DOCK1: variants seen among roughly 807,000 people sequenced by gnomAD.
DOCK1 encodes the protein dedicator of cytokinesis 1.
In DOCK1, 138 loss-of-function variants were observed where a neutral mutation model predicts 262.7. That is an observed-to-expected ratio of 0.53 (90% confidence interval 0.46 to 0.61). The LOEUF (loss-of-function observed/expected upper bound fraction) is 0.61, where lower values mean the gene tolerates loss of function less well. Ranked by LOEUF, DOCK1 falls within the 20% of genes least tolerant of loss-of-function variation. DOCK1 has a pLI of 0.00. For synonymous variants in DOCK1, 866 were observed against 867.4 expected, an observed-to-expected ratio of 1.00 and a Z score of 0.03; for missense variants, 1,908 against 2,370.7, an observed-to-expected ratio of 0.80 and a Z score of 4.05.
chr10:127,255,011 A>G (rs1420794998), intron 28 of DOCK1, among the ~76,000 whole-genome samples: 2 of 152,232 alleles, frequency 1.3e-5, no homozygotes, highest in Admixed American at 1.3e-4. Flanking sequence ...GGAAAGGTGC[A>G]GACAGAGGTA....
chr10:127,094,153 C>T (rs1175673743), intron 23 of DOCK1, among the ~76,000 whole-genome samples: 5 of 152,074 alleles, frequency 3.3e-5, no homozygotes, highest in African/African-American at 4.8e-5. Flanking sequence ...GTGATCATTC[C>T]GCAGCACTCC....
At chr10:127,043,476 C>T (rs2044152789) in intron 21 of DOCK1, among the ~76,000 whole-genome samples, 1 of 152,244 alleles carries the variant, frequency 6.6e-6, no homozygotes, top group Admixed American at 6.5e-5. Context: ...GACACCGCGG[C>T]TTCCTCGCGA....
At chr10:127,164,765 T>G (rs2053930868) in intron 27 of DOCK1, among the ~76,000 whole-genome samples, 2 of 152,168 alleles carry the variant, frequency 1.3e-5, no homozygotes, top group Admixed American at 1.3e-4. Context: ...TAATTATTAT[T>G]TTGTGTGTGG....
chr10:126,990,716 C>G (rs1249618281), intron 6 of DOCK1, 113 bp downstream of exon 6: 5 of 1,272,460 alleles, frequency 3.9e-6, no homozygotes, highest in Admixed American at 2.8e-5. Flanking sequence ...TTTCTACCAT[C>G]AAAGTAATGG....
rs562406764 is a variant in DOCK1, at chr10:127,021,190, G to A, written c.1328-2010G>A. 6.6e-5 allele frequency among the ~76,000 whole-genome samples: 10 copies of A among 152,282 alleles called. No individual in the cohort carries two copies. In the East Asian group the frequency reaches 1.9e-3, roughly 30 times the overall value. On this transcript the variant is annotated intron_variant, in intron 13 of 51. Transcript: ENST00000623213. ...GGTGTACTTGGGAGTGAGGCTGTGG[G>A]AGTTTCGCCCTGTCACCCGGGCTGG... is the stretch of plus-strand genomic sequence containing the variant.
intron 18 of DOCK1, among the ~76,000 whole-genome samples, chr10:127,034,767 A>T (rs1378930735): frequency 6.6e-6 from 1 of 152,180 alleles, no homozygotes; most frequent in Non-Finnish European, 1.5e-5. Context: ...GTCATTACTT[A>T]ACTTGCTCAT....
Position 127,283,373 on chromosome 10 carries a change from G to A in DOCK1, c.3044+25944G>A, listed in dbSNP as rs1313951022. 3.3e-5 allele frequency among the ~76,000 whole-genome samples: 5 copies of A among 152,250 alleles called. No homozygotes were observed. The East Asian group carries it at 5.8e-4, about 18-fold the overall frequency. The stretch of plus-strand genomic sequence containing the variant: ...AACAGGGGCTGGGCCCACCTTTGTA[G>A]TCTTGTCACCAAGGAGGTTACTGAA... On this transcript the variant is annotated intron_variant, in intron 29 of 51. Coordinates refer to ENST00000623213, the MANE Select transcript of DOCK1 (RefSeq NM_001290223.2).
chr10:127,170,730 A>G (rs970063602), intron 27 of DOCK1, among the ~76,000 whole-genome samples: 34 of 152,106 alleles, frequency 2.2e-4, no homozygotes, highest in African/African-American at 7.2e-4. Flanking sequence ...GGTTTTTTAA[A>G]TCCACTGTCC....
chr10:126,912,688 C>T (rs10751588), intron 1 of DOCK1, among the ~76,000 whole-genome samples: 104,635 of 148,040 alleles, frequency 0.71, 37,373 homozygotes, highest in Middle Eastern at 0.77. Flanking sequence ...ATCGCGCCAC[C>T]GTACTCCAGC....
intron 38 of DOCK1, among the ~76,000 whole-genome samples, chr10:127,393,197 T>C (rs533507373): frequency 6.6e-6 from 1 of 152,228 alleles, no homozygotes; most frequent in South Asian, 2.1e-4. Context: ...TACAAATGTA[T>C]TGGGGTAAGG....
At chr10:126,938,959 C>A (rs1490883670) in intron 1 of DOCK1, among the ~76,000 whole-genome samples, 1 of 76,206 alleles carries the variant, frequency 1.3e-5, no homozygotes, top group Admixed American at 2.2e-4. Flanking sequence ...GGGGCGAACA[C>A]CTGGGGGGAC....
At chr10:126,917,714 C>A (rs1191328327) in intron 1 of DOCK1, among the ~76,000 whole-genome samples, 2 of 152,058 alleles carry the variant, frequency 1.3e-5, no homozygotes, top group Non-Finnish European at 2.9e-5. Context: ...GCTGAGGGCC[C>A]AGTGAGAATG....
chr10:127,192,888 G>A (rs1015646086), intron 27 of DOCK1, among the ~76,000 whole-genome samples: 4 of 152,136 alleles, frequency 2.6e-5, no homozygotes, highest in Admixed American at 6.6e-5. Context: ...TGTCCTTAAT[G>A]TATAAGAACA....
At chr10:127,271,589 G>T (rs187129162) in intron 29 of DOCK1, among the ~76,000 whole-genome samples, 2 of 152,192 alleles carry the variant, frequency 1.3e-5, no homozygotes, top group African/African-American at 4.8e-5. Flanking sequence ...CTTAATATTT[G>T]TCATGTGCGA....
intron 29 of DOCK1, among the ~76,000 whole-genome samples, chr10:127,303,621 G>C (rs934130751): frequency 1.7e-5 from 2 of 117,334 alleles, no homozygotes; most frequent in African/African-American, 8.2e-5. Flanking sequence ...CACTTTGGGA[G>C]GCCACAGTAA....
intron 2 of DOCK1, among the ~76,000 whole-genome samples, chr10:126,972,814 A>G (rs540127090): frequency 6.6e-6 from 1 of 151,844 alleles, no homozygotes; most frequent in African/African-American, 2.4e-5. Context: ...TGAAAAAAAA[A>G]ATCGACTTTA....
chr10:127,339,662 C>T (rs1219159215), intron 30 of DOCK1, among the ~76,000 whole-genome samples: 1 of 142,404 alleles, frequency 7.0e-6, no homozygotes, highest in Non-Finnish European at 1.5e-5. Context: ...CGCGCGCATG[C>T]ATGCTGTAAG....
At chr10:127,326,836 A>G (rs7904798) in intron 29 of DOCK1, among the ~76,000 whole-genome samples, 51,189 of 152,192 alleles carry the variant, frequency 0.34, 9,073 homozygotes, top group East Asian at 0.5. Context: ...CTCGTGATTA[A>G]TGGACTGTGG....
chr10:127,419,480 C>T (rs891475800), intron 45 of DOCK1, among the ~76,000 whole-genome samples, 186 bp from the exon 46 acceptor site: 2 of 152,222 alleles, frequency 1.3e-5, no homozygotes. Flanking sequence ...GCTCCACTTA[C>T]AGTGTTTGAC....
Sources: allele counts gnomAD v4.1 joint callset (sites outside exome capture counted in the v4.1 genomes callset), GRCh38; gene constraint gnomAD v4.1.1; transcripts MANE v1.5; gene names NCBI Gene and HGNC (gene_info 2026-07-23, HGNC 2026-07-21).